MIR2052HG: variants seen among roughly 807,000 people sequenced by gnomAD.
The protein encoded by MIR2052HG is MIR2052 host gene.
intron 2 of MIR2052HG, among the ~76,000 whole-genome samples, chr8:74,644,918 TA>T (rs1426638092): frequency 6.6e-6 from 1 of 151,924 alleles, no homozygotes; most frequent in African/African-American, 2.4e-5. Flanking sequence ...AAATAAAAAA[TA>T]AAAAACAAAA....
chr8:74,706,187 G>A (rs1355041162), intron 4 of MIR2052HG, among the ~76,000 whole-genome samples: 1 of 152,218 alleles, frequency 6.6e-6, no homozygotes, highest in East Asian at 1.9e-4. Flanking sequence ...AAGGAAATAT[G>A]AAATTGCAGA....
intron 4 of MIR2052HG, among the ~76,000 whole-genome samples, chr8:74,716,858 T>G (rs1809526390): frequency 6.6e-6 from 1 of 152,200 alleles, no homozygotes; most frequent in Admixed American, 6.5e-5. Context: ...ATTAGGTTGG[T>G]GCAAATGTAA....
intron 2 of MIR2052HG, among the ~76,000 whole-genome samples, chr8:74,693,854 C>T (rs534518507): frequency 1.3e-5 from 2 of 152,236 alleles, no homozygotes; most frequent in East Asian, 3.9e-4. Context: ...AAACCTGCCC[C>T]CACCTTAGGG....
In MIR2052HG at chr8:74,722,383, A is replaced by G. The variant is rs570700953; in HGVS notation, n.371+18701A>G. On this transcript the variant is annotated intron_variant and non_coding_transcript_variant, in intron 4 of 6. Coordinates refer to ENST00000523442, the Ensembl canonical transcript of MIR2052HG. ...AATCTTTACAAATACAGATTTGAGA[A>G]TTAATGAAAATTAGCATCCTATTGA... Among the ~76,000 whole-genome samples, 11 of 152,348 alleles carry G rather than the reference A, an allele frequency of 7.2e-5. No homozygotes were observed. The South Asian group carries it at 2.1e-3, about 29-fold the overall frequency.
chr8:74,636,656 A>G (rs4735660), intron 2 of MIR2052HG, among the ~76,000 whole-genome samples: 12,797 of 152,096 alleles, frequency 0.084, 903 homozygotes, highest in African/African-American at 0.19. Flanking sequence ...CATAAATTTA[A>G]TATATTGTCC....
At chr8:74,611,554 AAC>A (rs1808195757) in intron 1 of MIR2052HG, among the ~76,000 whole-genome samples, 1 of 152,176 alleles carries the variant, frequency 6.6e-6, no homozygotes, top group African/African-American at 2.4e-5. Context: ...TAATGTAAAA[AAC>A]ACATTTCTTT....
chr8:74,716,151 G>A (rs899955850), intron 4 of MIR2052HG, among the ~76,000 whole-genome samples: 1 of 152,138 alleles, frequency 6.6e-6, no homozygotes, highest in Non-Finnish European at 1.5e-5. Flanking sequence ...CACCTTGGAT[G>A]AGTGCCACCT....
intron 4 of MIR2052HG, among the ~76,000 whole-genome samples, chr8:74,737,742 A>G (rs181352188): frequency 6.6e-6 from 1 of 152,292 alleles, no homozygotes; most frequent in East Asian, 1.9e-4. Flanking sequence ...GTCTGAATCA[A>G]TATTTGTTTG....
chr8:74,718,205 G>T (rs1054470245), intron 4 of MIR2052HG, among the ~76,000 whole-genome samples: 1 of 151,940 alleles, frequency 6.6e-6, no homozygotes, highest in Non-Finnish European at 1.5e-5. Flanking sequence ...GTGTCAGCAT[G>T]AACTCAATTA....
At chr8:74,654,904 T>A (rs530078703) in intron 2 of MIR2052HG, among the ~76,000 whole-genome samples, 1 of 152,262 alleles carries the variant, frequency 6.6e-6, no homozygotes, top group South Asian at 2.1e-4. Context: ...GTTGAATGGC[T>A]TTGACCAAAA....
intron 4 of MIR2052HG, among the ~76,000 whole-genome samples, chr8:74,751,200 G>C (rs1563546484): frequency 6.6e-6 from 1 of 152,208 alleles, no homozygotes; most frequent in Admixed American, 6.6e-5. Context: ...CGTGGTAACA[G>C]TCTTCTTTCA....
At chr8:74,635,219 G>C (rs1808568239) in intron 2 of MIR2052HG, among the ~76,000 whole-genome samples, 1 of 151,792 alleles carries the variant, frequency 6.6e-6, no homozygotes, top group South Asian at 2.1e-4. Flanking sequence ...ACTATATTAG[G>C]TACAGAAAGC....
chr8:74,743,096 CCAAAAAA>C (rs1186527460), intron 4 of MIR2052HG, among the ~76,000 whole-genome samples: 6 of 151,164 alleles, frequency 4.0e-5, no homozygotes, highest in African/African-American at 1.5e-4. Flanking sequence ...CAAAAAAACA[CCAAAAAA>C]CAAAAAACAA....
At chr8:74,753,531 G>A (rs144891867) in intron 5 of MIR2052HG, among the ~76,000 whole-genome samples, 3 of 152,192 alleles carry the variant, frequency 2.0e-5, no homozygotes, top group Middle Eastern at 3.4e-3. Context: ...ACATTCCTTC[G>A]CATCGTGGCC....
intron 2 of MIR2052HG, among the ~76,000 whole-genome samples, chr8:74,660,399 T>A (rs1224515670): frequency 6.6e-6 from 1 of 152,164 alleles, no homozygotes; most frequent in Non-Finnish European, 1.5e-5. Flanking sequence ...GACTATCTGG[T>A]GCAATCATCT....
chr8:74,731,021 A>G (rs1809686563), intron 4 of MIR2052HG, among the ~76,000 whole-genome samples: 1 of 152,124 alleles, frequency 6.6e-6, no homozygotes. Context: ...TCCCACTGGA[A>G]AGTCCCCAAA....
intron 2 of MIR2052HG, among the ~76,000 whole-genome samples, chr8:74,692,427 G>T (rs1189895621): frequency 1.3e-5 from 2 of 152,166 alleles, no homozygotes; most frequent in Non-Finnish European, 2.9e-5. Flanking sequence ...TGGGTTAATA[G>T]TAGTAAGAAC....
At chr8:74,621,121 T>A (rs1808355834) in intron 2 of MIR2052HG, among the ~76,000 whole-genome samples, 1 of 152,236 alleles carries the variant, frequency 6.6e-6, no homozygotes, top group Admixed American at 6.5e-5. Context: ...CAGCCTGGAC[T>A]TCATTGTCCA....
At chr8:74,748,527 A>T (rs1178935779) in intron 4 of MIR2052HG, among the ~76,000 whole-genome samples, 2 of 152,104 alleles carry the variant, frequency 1.3e-5, no homozygotes, top group Non-Finnish European at 2.9e-5. Flanking sequence ...TGTATAAGAT[A>T]TTTTTCTGCT....
Sources: gnomAD v4.1 joint callset for allele counts (sites outside exome capture counted in the v4.1 genomes callset) on GRCh38, gnomAD v4.1.1 for gene constraint, MANE v1.5 for transcripts, NCBI Gene and HGNC (gene_info 2026-07-23, HGNC 2026-07-21) for gene names.